TEX48: variants seen among roughly 807,000 people sequenced by gnomAD.
The protein encoded by TEX48 is testis-expressed protein 48.
A neutral mutation model predicts 13.2 loss-of-function variants in TEX48; 10 were observed. The ratio of observed to expected loss-of-function variants is 0.75; its 90% CI spans 0.47 to 1.28. The LOEUF is 1.28. Ranked by LOEUF, TEX48 falls within the 50% of genes most tolerant of loss-of-function variation. The pLI is 0.00. For missense variants in TEX48, 116 were observed against 139.4 expected (o/e 0.83, Z 0.84); for synonymous variants, 45 against 52.3 (o/e 0.86, Z 0.60).
intron 1 of TEX48, among the ~76,000 whole-genome samples, chr9:114,677,184 A>C (rs960829012): frequency 6.6e-6 from 1 of 152,160 alleles, no homozygotes; most frequent in Non-Finnish European, 1.5e-5. Flanking sequence ...CACTAGGTCC[A>C]TTTAGCTCCA....
chr9:114,674,657 C>T (rs1289258279), intron 1 of TEX48, among the ~76,000 whole-genome samples: 2 of 62,274 alleles, frequency 3.2e-5, no homozygotes, highest in African/African-American at 1.9e-4. Context: ...TTCCTTCCTT[C>T]CTTCCTTCCT....
chr9:114,676,548 G>A (rs1236772052), intron 1 of TEX48, among the ~76,000 whole-genome samples: 1 of 151,596 alleles, frequency 6.6e-6, no homozygotes, highest in Non-Finnish European at 1.5e-5. Flanking sequence ...ACTGTTAGGT[G>A]CTGGAGATAT....
intron 1 of TEX48, among the ~76,000 whole-genome samples, chr9:114,675,992 C>T (rs535148053): frequency 5.9e-4 from 90 of 152,348 alleles, no homozygotes; most frequent in Non-Finnish European, 1.2e-3. Flanking sequence ...TGTGCTCCCA[C>T]AGCACTCCCC....
chr9:114,681,407 T>C (rs1828198484), intron 1 of TEX48, among the ~76,000 whole-genome samples: 1 of 152,170 alleles, frequency 6.6e-6, no homozygotes. Context: ...TACAAGCACA[T>C]TCTCTGGGGG....
intron 1 of TEX48, among the ~76,000 whole-genome samples, chr9:114,679,082 T>C (rs1247009302): frequency 6.6e-6 from 1 of 151,880 alleles, no homozygotes; most frequent in Non-Finnish European, 1.5e-5. Flanking sequence ...AATAGGTGAC[T>C]TAATAGACTT....
At chr9:114,676,015 A>G (rs1290676700) in intron 1 of TEX48, among the ~76,000 whole-genome samples, 2 of 152,178 alleles carry the variant, frequency 1.3e-5, no homozygotes, top group Non-Finnish European at 2.9e-5. Context: ...CTGGCCCACC[A>G]TGTTTTCCTG....
intron 3 of TEX48, 105 bp downstream of exon 3, chr9:114,671,278 A>T: frequency 7.6e-7 from 1 of 1,308,010 alleles, no homozygotes; most frequent in Non-Finnish European, 1.0e-6. Context: ...TGGAATTATC[A>T]CTCAGTGATA....
chr9:114,678,692 A>G (rs559779594), intron 1 of TEX48, among the ~76,000 whole-genome samples: 1 of 151,570 alleles, frequency 6.6e-6, no homozygotes, highest in East Asian at 2.0e-4. Flanking sequence ...AAAAATTAAA[A>G]TTTAGCTGGG....
At chr9:114,672,625 C>A (rs1434095411) in intron 1 of TEX48, among the ~76,000 whole-genome samples, 1 of 152,234 alleles carries the variant, frequency 6.6e-6, no homozygotes, top group Non-Finnish European at 1.5e-5. Flanking sequence ...CCACCATCAT[C>A]TCTTGCCTGA....
chr9:114,674,934 G>C (rs1052287524), intron 1 of TEX48, among the ~76,000 whole-genome samples: 1 of 149,592 alleles, frequency 6.7e-6, no homozygotes, highest in Admixed American at 6.7e-5. Flanking sequence ...GCCTCCCAAA[G>C]TGCTGGGGTT....
At chr9:114,680,995 T>C (rs907012770) in intron 1 of TEX48, among the ~76,000 whole-genome samples, 2 of 152,208 alleles carry the variant, frequency 1.3e-5, no homozygotes, top group African/African-American at 4.8e-5. Flanking sequence ...AGCACAGTTC[T>C]CCCTTGTTTA....
intron 1 of TEX48, among the ~76,000 whole-genome samples, chr9:114,674,119 C>A (rs1414178988): frequency 6.6e-6 from 1 of 152,072 alleles, no homozygotes; most frequent in Non-Finnish European, 1.5e-5. Context: ...AAGATTTTTT[C>A]TCTTTCTTTT....
chr9:114,676,687 T>C (rs1057165542), intron 1 of TEX48, among the ~76,000 whole-genome samples: 1 of 151,268 alleles, frequency 6.6e-6, no homozygotes, highest in Non-Finnish European at 1.5e-5. Flanking sequence ...CGCAATCTTG[T>C]CTCACTTCGT....
At chr9:114,675,843 C>A (rs1241651658) in intron 1 of TEX48, among the ~76,000 whole-genome samples, 1 of 152,236 alleles carries the variant, frequency 6.6e-6, no homozygotes, top group East Asian at 1.9e-4. Context: ...CTTCCCCAAT[C>A]ACCTTTTACT....
In TEX48 at chr9:114,674,829, T is replaced by G. The variant is rs369322515; in HGVS notation, c.-104-3002A>C. Among the ~76,000 whole-genome samples the G allele has an allele frequency of 4.1e-5, 6 of 147,408 alleles. No individual in the cohort carries two copies. The East Asian group carries it at 1.0e-3, about 25-fold the overall frequency. ...CTGGGACTACAGGTGCATGCCACCA[T>G]GTCCAGCAAATTCTTTTTTTTTTTT... On this transcript the variant is annotated intron_variant, in intron 1 of 4. Transcript: ENST00000436752.
intron 1 of TEX48, among the ~76,000 whole-genome samples, chr9:114,680,011 A>G (rs1284209005): frequency 6.6e-6 from 1 of 152,162 alleles, no homozygotes; most frequent in Non-Finnish European, 1.5e-5. Context: ...AAGCCCAAAG[A>G]AAAAGCAGCC....
intron 4 of TEX48, among the ~76,000 whole-genome samples, chr9:114,667,088 C>A (rs559648962): frequency 1.7e-4 from 26 of 152,292 alleles, no homozygotes; most frequent in Middle Eastern, 6.8e-3. Flanking sequence ...TGAGCCTCAC[C>A]CCTATGGGGG....
intron 1 of TEX48, among the ~76,000 whole-genome samples, chr9:114,675,161 T>G (rs1828039090): frequency 6.6e-6 from 1 of 152,130 alleles, no homozygotes; most frequent in African/African-American, 2.4e-5. Context: ...ATTGAGGGTG[T>G]TTGTAGAATA....
At chr9:114,678,730 T>G (rs1828124411) in intron 1 of TEX48, among the ~76,000 whole-genome samples, 1 of 151,646 alleles carries the variant, frequency 6.6e-6, no homozygotes, top group Non-Finnish European at 1.5e-5. Context: ...GCACTTCCAG[T>G]TACTCAGAGG....
Sources: allele counts gnomAD v4.1 joint callset (sites outside exome capture counted in the v4.1 genomes callset), GRCh38; gene constraint gnomAD v4.1.1; transcripts MANE v1.5; gene names NCBI Gene and HGNC (gene_info 2026-07-23, HGNC 2026-07-21).